The following AP2A2 variants were observed in gnomAD, a reference collection of about 807,000 sequenced individuals.
AP2A2 encodes AP-2 complex subunit alpha-2.
A neutral mutation model predicts 104.2 loss-of-function variants in AP2A2; 32 were observed. That is an observed-to-expected ratio of 0.31 (90% CI 0.23 to 0.41). The LOEUF is 0.41. Among genes scored for constraint, AP2A2 ranks in the 10% least tolerant of loss-of-function variants. The probability of loss-of-function intolerance (pLI) is 1.00; values close to 1 mark genes in which losing one functional copy is unlikely to be tolerated. For missense variants in AP2A2, 912 were observed against 1,261.0 expected (o/e 0.72, Z 4.19); for synonymous variants, 539 against 533.3 (o/e 1.01, Z -0.15).
intron 2 of AP2A2, among the ~76,000 whole-genome samples, chr11:963,517 T>C (rs1271428809): frequency 6.6e-6 from 1 of 152,206 alleles, no homozygotes; most frequent in Admixed American, 6.5e-5. Context: ...AGAGTGAGTC[T>C]CACTTTGTAC....
At chr11:989,211 C>T (rs2133724463) in intron 10 of AP2A2, among the ~76,000 whole-genome samples, 1 of 152,212 alleles carries the variant, frequency 6.6e-6, no homozygotes, top group South Asian at 2.1e-4. Flanking sequence ...CCTGTAATGC[C>T]AGCTACTCCG....
intron 1 of AP2A2, among the ~76,000 whole-genome samples, chr11:950,311 G>GT (rs367721619): frequency 0.099 from 13,319 of 133,864 alleles, 789 homozygotes; most frequent in Non-Finnish European, 0.15. Flanking sequence ...TTGGAATATG[G>GT]TTTTTTTTTT....
intron 1 of AP2A2, among the ~76,000 whole-genome samples, chr11:935,059 A>ATT (rs35731432): frequency 0.51 from 68,136 of 134,540 alleles, 17,458 homozygotes; most frequent in Middle Eastern, 0.66. Flanking sequence ...GGGTTTCACC[A>ATT]TTTTTTTTTT....
chr11:993,625 G>A lies in AP2A2; in HGVS notation c.1551-129G>A. ...CGTCTTTGCGGTGGGATCTGGAGCTGGAAGAGGGTCCCGACCAGCGGCCTC... is the reference window on the plus strand; with the variant it reads ...CGTCTTTGCGGTGGGATCTGGAGCTAGAAGAGGGTCCCGACCAGCGGCCTC... On this transcript the variant is annotated intron_variant, in intron 12 of 21. Coordinates refer to ENST00000448903, the MANE Select transcript of AP2A2 (RefSeq NM_012305.4). The surrounding 1 kb of genome is among the most constrained non-coding windows in gnomAD (Gnocchi z 8.2). 1.4e-6 allele frequency: 1 copy of A among 720,628 alleles called. No homozygotes were observed. The highest frequency in any genetic ancestry group is 2.3e-6 in the Non-Finnish European group (1 of 442,424). The allele number at this position is 720,628 out of a possible 1,614,324, so 44.6% of individuals were successfully genotyped here.
chr11:960,292 G>T (rs1280253054), intron 2 of AP2A2, among the ~76,000 whole-genome samples: 1 of 151,628 alleles, frequency 6.6e-6, no homozygotes, highest in African/African-American at 2.4e-5. Context: ...GCTCAGTGTG[G>T]AGTGCAGTGG....
chr11:1,005,908 A>AT (rs1450070810), intron 16 of AP2A2, among the ~76,000 whole-genome samples: 1 of 152,228 alleles, frequency 6.6e-6, no homozygotes, highest in Non-Finnish European at 1.5e-5. Flanking sequence ...TCCTTTCTGA[A>AT]TTCAAGGGGT....
At chr11:1,005,023 T>C (rs936027396) in intron 16 of AP2A2, among the ~76,000 whole-genome samples, 1 of 152,094 alleles carries the variant, frequency 6.6e-6, no homozygotes, top group African/African-American at 2.4e-5. Context: ...CTTAAAGAGG[T>C]ACCTGTCCAC....
rs760600940 is a variant in AP2A2 at position 1,011,417 on chromosome 11, T to C, written c.*792T>C. ...CGTCTCTTTCCTGTCAGAGTGGGCG[T>C]CCCCAGGCCACGGTGCAGGCCTGAG... On this transcript the variant is annotated 3_prime_UTR_variant, in exon 22 of 22. Coordinates refer to ENST00000448903, the MANE Select transcript of AP2A2 (RefSeq NM_012305.4). 2.0e-6 allele frequency: 1 copy of C among 508,050 alleles called. No individual in the cohort carries two copies. Among genetic ancestry groups the C allele is most frequent in the Admixed American group, 2.0e-5 (1 of 49,654 alleles). The allele number at this position is 508,050 out of a possible 1,614,324, so 31.5% of individuals were successfully genotyped here. A position where few individuals can be genotyped will look rare whatever the true frequency, so the allele number is the denominator to read the frequency against.
At chr11:951,898 A>G (rs1854065321) in intron 1 of AP2A2, among the ~76,000 whole-genome samples, 1 of 149,018 alleles carries the variant, frequency 6.7e-6, no homozygotes, top group Non-Finnish European at 1.5e-5. Context: ...ACAGAGTCTC[A>G]CCTTGTTGCC....
rs902615026 is a variant in AP2A2 at position 993,671 on chromosome 11, C to T, written c.1551-83C>T. 1.5e-5 allele frequency: 17 copies of T among 1,107,832 alleles called. No individual in the cohort carries two copies. The highest frequency in any genetic ancestry group is 5.2e-5 in the East Asian group (2 of 38,336). The allele number at this position is 1,107,832 out of a possible 1,614,324, so 68.6% of individuals were successfully genotyped here. On this transcript the variant is annotated intron_variant, in intron 12 of 21. Coordinates refer to ENST00000448903, the MANE Select transcript of AP2A2 (RefSeq NM_012305.4). The surrounding 1 kb of genome is among the most constrained non-coding windows in gnomAD (Gnocchi z 8.2). ...GCCTCTGGTGCAGGCCAGGGGGTCT[C>T]GCCGCCGTCCCCCCCCCGCGGGGGC... is the stretch of plus-strand genomic sequence containing the variant.
intron 2 of AP2A2, among the ~76,000 whole-genome samples, chr11:966,938 G>C (rs1239683469): frequency 6.6e-6 from 1 of 152,202 alleles, no homozygotes; most frequent in African/African-American, 2.4e-5. Context: ...GGAGGCCGAG[G>C]AGGGCAGATC....
intron 4 of AP2A2, among the ~76,000 whole-genome samples, chr11:976,509 A>C (rs1244240011): frequency 6.6e-6 from 1 of 152,004 alleles, no homozygotes; most frequent in Non-Finnish European, 1.5e-5. Context: ...TGGTGGCAGG[A>C]GGGCGAAGGG....
intron 1 of AP2A2, among the ~76,000 whole-genome samples, chr11:957,340 G>C (rs1036669920): frequency 6.6e-6 from 1 of 152,226 alleles, no homozygotes; most frequent in African/African-American, 2.4e-5. Flanking sequence ...ATGATTGACA[G>C]CTGTGTACAA....
chr11:983,875 G>A lies in AP2A2; in HGVS notation c.706-770G>A, dbSNP rs147859455. On this transcript the variant is annotated intron_variant, in intron 6 of 21. Transcript: ENST00000448903. ...TGATTCTTGCCTTTTCCTGCTTTGTGTTTGTGCCTTTCAGCCTTGTCTTTG... is the reference window on the plus strand; with the variant it reads ...TGATTCTTGCCTTTTCCTGCTTTGTATTTGTGCCTTTCAGCCTTGTCTTTG... 3.2e-3 allele frequency among the ~76,000 whole-genome samples: 486 copies of A among 152,326 alleles called. 1 individual carries two copies. The highest frequency in any genetic ancestry group is 0.011 in the African/African-American group (470 of 41,564).
intron 1 of AP2A2, among the ~76,000 whole-genome samples, chr11:955,992 C>G (rs1050270381): frequency 3.3e-5 from 5 of 152,078 alleles, no homozygotes; most frequent in Admixed American, 3.3e-4. Context: ...ATCCTTAAAC[C>G]AAAGACTCAC....
chr11:949,353 A>G (rs1324340251), intron 1 of AP2A2, among the ~76,000 whole-genome samples: 2 of 152,238 alleles, frequency 1.3e-5, no homozygotes, highest in African/African-American at 4.8e-5. Context: ...CTATAAGGCC[A>G]GTATTATGCT....
chr11:981,270 G>C lies in AP2A2; in HGVS notation c.676G>C (p.Val226Leu). ...QKNPEEFKTS[V>L]SLAVSRLSRI... ...GAACCCAGAAGAGTTTAAAACCTCC[G>C]TGTCTCTGGCTGTCTCTAGGCTAAG... Residue 226 changes from valine to leucine, a missense_variant, in exon 6 of 22, where the codon GTG becomes CTG. Val to Leu is a conservative substitution (Grantham distance 32). This residue lies in a region of AP2A2 where 350 missense variants were observed against 487.0 expected (regional missense o/e 0.72). Transcript: ENST00000448903. 6.2e-7 allele frequency: 1 copy of C among 1,613,436 alleles called. No homozygotes were observed. The highest frequency in any genetic ancestry group is 1.1e-5 in the South Asian group (1 of 90,904).
chr11:953,971 A>T (rs56078365), intron 1 of AP2A2, among the ~76,000 whole-genome samples: 377 of 151,642 alleles, frequency 2.5e-3, no homozygotes, highest in Non-Finnish European at 4.5e-3. Flanking sequence ...AGTAGCTGGG[A>T]TTGCAGGCGC....
At chr11:948,085 A>T (rs762807194) in intron 1 of AP2A2, among the ~76,000 whole-genome samples, 21 of 152,218 alleles carry the variant, frequency 1.4e-4, no homozygotes, top group Non-Finnish European at 2.5e-4. Context: ...TCAAATCATT[A>T]ACCTGTGTTT....
Sources: gnomAD v4.1 joint callset for allele counts (sites outside exome capture counted in the v4.1 genomes callset) on GRCh38, gnomAD v4.1.1 for gene constraint, gnomAD v4.1.1 regional missense constraint, Gnocchi (gnomAD v3.1) non-coding constraint, MANE v1.5 for transcripts, NCBI Gene and HGNC (gene_info 2026-07-23, HGNC 2026-07-21) for gene names.